OVCH1: variants seen among roughly 807,000 people sequenced by gnomAD.
OVCH1 encodes the protein ovochymase-1.
Under a neutral mutation model 138.4 loss-of-function variants are expected in OVCH1, and 139 were observed. The ratio of observed to expected loss-of-function variants is 1.00; its 90% CI spans 0.87 to 1.16. The LOEUF (loss-of-function observed/expected upper bound fraction) is 1.16, where lower values mean the gene tolerates loss of function less well. OVCH1 is among the 50% of genes most tolerant of loss of function. The pLI, the probability that OVCH1 is intolerant of heterozygous loss-of-function variation, is 0.00. For missense variants in OVCH1, 1,367 were observed against 1,357.9 expected (o/e 1.01, Z -0.11); for synonymous variants, 453 against 467.8 (o/e 0.97, Z 0.41).
chr12:29,438,712 A>G (rs983218998), intron 26 of OVCH1, among the ~76,000 whole-genome samples: 2 of 152,202 alleles, frequency 1.3e-5, no homozygotes. Context: ...AATGTAATTG[A>G]AGTAATTTTT....
At chr12:29,419,077 C>CA (rs1188454945) in intron 3 of OVCH1, among the ~76,000 whole-genome samples, 1 of 152,012 alleles carries the variant, frequency 6.6e-6, no homozygotes, top group East Asian at 1.9e-4. Flanking sequence ...AGGCTGATCT[C>CA]AAACTCCCAG....
intron 14 of OVCH1, 29 bp from the exon 15 acceptor site, chr12:29,473,132 G>A (rs1311025175): frequency 6.6e-7 from 1 of 1,507,462 alleles, no homozygotes. Flanking sequence ...TTAATTGAAA[G>A]TAATTAGAGA....
chr12:29,488,355 C>T (rs1943173174), intron 6 of OVCH1, among the ~76,000 whole-genome samples: 1 of 152,078 alleles, frequency 6.6e-6, no homozygotes, highest in South Asian at 2.1e-4. Flanking sequence ...ACATGGTTCA[C>T]ACCTGTAATC....
chr12:29,416,042 T>G (rs1941026621), intron 3 of OVCH1, among the ~76,000 whole-genome samples: 1 of 148,754 alleles, frequency 6.7e-6, no homozygotes, highest in African/African-American at 2.5e-5. Flanking sequence ...CAGATGGTGT[T>G]AGAGCAACTG....
At position 29,487,681 on chromosome 12, in the gene OVCH1, G is replaced by T. The variant is rs781369504; in HGVS notation, c.892+12C>A. 2.0e-5 allele frequency: 32 copies of T among 1,576,478 alleles called. No individual in the cohort carries two copies. In the Middle Eastern group the frequency reaches 8.3e-4, roughly 41 times the overall value. ...GAGTTAGGATGAGATGAGGAAGAAA[G>T]AATTCACCTACCTGTGAACAGGTTT... is the stretch of plus-strand genomic sequence containing the variant. On this transcript the variant is annotated intron_variant, in intron 7 of 27. Transcript: ENST00000318184.
intron 18 of OVCH1, among the ~76,000 whole-genome samples, chr12:29,462,789 G>C (rs1485915948): frequency 6.6e-6 from 1 of 152,104 alleles, no homozygotes; most frequent in Non-Finnish European, 1.5e-5. Flanking sequence ...GAAAAAGCCA[G>C]ACCTCTGAAA....
intron 10 of OVCH1, 27 bp from the exon 11 acceptor site, chr12:29,477,505 T>C (rs556797312): frequency 6.2e-6 from 10 of 1,613,796 alleles, no homozygotes; most frequent in African/African-American, 1.3e-5. Flanking sequence ...GAAAGTGAAA[T>C]AACATTACTA....
At chr12:29,431,328 C>A (rs919948332) in intron 27 of OVCH1, among the ~76,000 whole-genome samples, 1 of 152,002 alleles carries the variant, frequency 6.6e-6, no homozygotes, top group South Asian at 2.1e-4. Context: ...ATCCCAGCTA[C>A]TTGGGAGGCT....
chr12:29,418,838 T>G (rs980489628), intron 3 of OVCH1, among the ~76,000 whole-genome samples: 6 of 152,288 alleles, frequency 3.9e-5, no homozygotes, highest in African/African-American at 1.4e-4. Context: ...TTACTAAAAA[T>G]ATATTATTTT....
intron 3 of OVCH1, among the ~76,000 whole-genome samples, chr12:29,420,483 C>CTTT (rs958610211): frequency 2.6e-4 from 5 of 18,996 alleles, no homozygotes; most frequent in African/African-American, 1.0e-3. Flanking sequence ...GAAAAAGCAG[C>CTTT]TTTTTTTTTT....
At chr12:29,407,677 G>T (rs1292617404), downstream of OVCH1, among the ~76,000 whole-genome samples, 2 of 152,070 alleles carry the variant, frequency 1.3e-5, no homozygotes, top group Non-Finnish European at 2.9e-5. Context: ...TCTCTGTTTT[G>T]GTGCCAGTAC....
intron 26 of OVCH1, among the ~76,000 whole-genome samples, chr12:29,437,502 A>G (rs1200479345): frequency 6.6e-6 from 1 of 152,192 alleles, no homozygotes; most frequent in East Asian, 1.9e-4. Flanking sequence ...CTTCAAAACT[A>G]TCTCTAAGTT....
At chr12:29,414,018 CTCTTTTTTTTTT>C (rs1565560274) in intron 3 of OVCH1, among the ~76,000 whole-genome samples, 2 of 29,176 alleles carry the variant, frequency 6.9e-5, no homozygotes, top group Non-Finnish European at 2.9e-4. Flanking sequence ...CTCTCTCTCT[CTCTTTTTTTTTT>C]TTTTTTTTTT....
At chr12:29,482,844 G>A (rs74081039) in intron 8 of OVCH1, among the ~76,000 whole-genome samples, 12,240 of 152,252 alleles carry the variant, frequency 0.08, 497 homozygotes, top group African/African-American at 0.086. Context: ...TAAGTAGGCT[G>A]CCATCTGCAT....
intron 3 of OVCH1, among the ~76,000 whole-genome samples, chr12:29,421,321 TAAC>T (rs1941101085): frequency 6.6e-6 from 1 of 152,204 alleles, no homozygotes; most frequent in African/African-American, 2.4e-5. Flanking sequence ...AGAAAAGTAA[TAAC>T]AAAACATTAT....
At chr12:29,406,416 T>C in the OVCH1 span, among the ~76,000 whole-genome samples, 47,893 of 151,924 alleles carry the variant, frequency 0.32, 8,677 homozygotes, top group Middle Eastern at 0.52. Flanking sequence ...CCCACTAACT[T>C]GTCATCTAGC....
intron 16 of OVCH1, among the ~76,000 whole-genome samples, chr12:29,470,504 T>C (rs1942468104): frequency 6.6e-6 from 1 of 152,214 alleles, no homozygotes; most frequent in East Asian, 1.9e-4. Flanking sequence ...TCGCTGAGAA[T>C]GATGGCTTCC....
At position 29,413,667 on chromosome 12, in the gene OVCH1, CAT is replaced by C. The variant is rs149871253; in HGVS notation, c.*72-944_*72-943del. Among the ~76,000 whole-genome samples the C allele has an allele frequency of 3.2e-3, 477 of 148,480 alleles. 5 individuals carry two copies. The highest frequency in any genetic ancestry group is 7.3e-3 in the African/African-American group (290 of 39,546). On this transcript the variant is annotated intron_variant and NMD_transcript_variant, in intron 3 of 4. Transcript: ENST00000539117. ...TGTATGTGTCTGTGTGTATTACACA[CAT>C]ACACACACACACACACACACATTGG...
rs143563487 is a variant in OVCH1, at chr12:29,417,789, G to GTCTGTGTC, written c.*72-5065_*72-5064insGACACAGA. On this transcript the variant is annotated intron_variant and NMD_transcript_variant, in intron 3 of 4. Coordinates refer to the OVCH1 transcript ENST00000539117. ...TGTGTGTGTGTGTGTGTGTGTGTGT[G>GTCTGTGTC]TGTGTCTGTGTCTGTGTGTGTTTTA... 2.0e-4 allele frequency among the ~76,000 whole-genome samples: 30 copies of GTCTGTGTC among 150,268 alleles called. No homozygotes were observed. In the South Asian group the frequency reaches 4.6e-3, roughly 23 times the overall value.
Sources: allele counts gnomAD v4.1 joint callset (sites outside exome capture counted in the v4.1 genomes callset), GRCh38; gene constraint gnomAD v4.1.1; transcripts MANE v1.5; gene names NCBI Gene and HGNC (gene_info 2026-07-23, HGNC 2026-07-21).